The following MCTP2 variants were observed in gnomAD, a reference collection of about 807,000 sequenced individuals.
MCTP2 encodes multiple C2 and transmembrane domain-containing protein 2.
MCTP2 carries 132 observed loss-of-function variants against 111.6 expected under a neutral mutation model. That is an observed-to-expected ratio of 1.18 (90% confidence interval 1.03 to 1.37). The LOEUF (loss-of-function observed/expected upper bound fraction) is 1.37. Ranked by LOEUF, MCTP2 falls within the 40% of genes most tolerant of loss-of-function variation. The pLI, the probability that MCTP2 is intolerant of heterozygous loss-of-function variation, is 0.00. For synonymous variants in MCTP2, 395 were observed against 387.7 expected (o/e 1.02, Z -0.22); for missense variants, 1,183 against 1,067.9 (o/e 1.11, Z -1.50).
intron 1 of MCTP2, among the ~76,000 whole-genome samples, chr15:94,240,658 T>G (rs778740358): frequency 6.6e-6 from 1 of 152,152 alleles, no homozygotes; most frequent in Non-Finnish European, 1.5e-5. Flanking sequence ...TTGATAAATA[T>G]GTCATTTAAG....
intron 17 of MCTP2, among the ~76,000 whole-genome samples, chr15:94,423,684 T>G (rs768540667): frequency 1.3e-5 from 2 of 152,152 alleles, no homozygotes; most frequent in African/African-American, 4.8e-5. Context: ...TGCATGTGCG[T>G]GTAAGAGTTC....
chr15:94,468,184 A>C (rs2073569555), intron 20 of MCTP2, among the ~76,000 whole-genome samples: 1 of 152,362 alleles, frequency 6.6e-6, no homozygotes, highest in Non-Finnish European at 1.5e-5. Flanking sequence ...AAAGTTAAGC[A>C]AAACAGCTCA....
Position 94,356,160 on chromosome 15 carries a change from G to T in MCTP2, c.1029G>T (p.Arg343=). The T allele has an allele frequency of 6.2e-7, 1 of 1,609,930 alleles. No homozygotes were observed. Among genetic ancestry groups the T allele is most frequent in the Non-Finnish European group, 8.5e-7 (1 of 1,178,160 alleles). The part of the protein sequence containing the change: ...ASKSSLIRNL[R]LSESLKKNQL... ...AGTCCTCTTTGATACGCAACCTACG[G>T]CTCTCTGAGTCCTTGAAAAAGAACC... is the stretch of plus-strand genomic sequence containing the variant. The change falls in exon 9 of 23, where the codon CGG becomes CGT. Residue 343 remains arginine, a synonymous_variant. Transcript: ENST00000357742.
chr15:94,383,531 A>C (rs61185839), intron 12 of MCTP2, among the ~76,000 whole-genome samples: 2,577 of 152,322 alleles, frequency 0.017, 60 homozygotes, highest in African/African-American at 0.057. Context: ...TCACAGTTCC[A>C]CGTGGCTGGG....
chr15:94,412,176 G>A (rs898957131), intron 17 of MCTP2, among the ~76,000 whole-genome samples: 1 of 152,102 alleles, frequency 6.6e-6, no homozygotes, highest in Admixed American at 6.6e-5. Context: ...TTGAATAGAG[G>A]ATTCTCAGTC....
At chr15:94,282,310 A>G (rs2074528264) in intron 1 of MCTP2, among the ~76,000 whole-genome samples, 1 of 152,126 alleles carries the variant, frequency 6.6e-6, no homozygotes, top group African/African-American at 2.4e-5. Flanking sequence ...GAATTCTGAG[A>G]TTCTTTTCTC....
At chr15:94,378,464 A>G (rs1427659881) in intron 12 of MCTP2, among the ~76,000 whole-genome samples, 1 of 152,140 alleles carries the variant, frequency 6.6e-6, no homozygotes, top group Non-Finnish European at 1.5e-5. Context: ...TCAAAGTTAC[A>G]GTACCATGAG....
intron 8 of MCTP2, among the ~76,000 whole-genome samples, chr15:94,353,413 A>G (rs1482665109): frequency 6.6e-6 from 1 of 152,180 alleles, no homozygotes; most frequent in African/African-American, 2.4e-5. Flanking sequence ...CCATTTTCAC[A>G]GAGCTCATAG....
At chr15:94,477,721 G>A (rs555418288) in intron 22 of MCTP2, among the ~76,000 whole-genome samples, 8 of 152,296 alleles carry the variant, frequency 5.3e-5, no homozygotes, top group African/African-American at 1.9e-4. Flanking sequence ...AAAAGCCTTA[G>A]AGTTTCTTTC....
At position 94,406,470 on chromosome 15, in the gene MCTP2, G is replaced by GTAT. The variant is rs755303862; in HGVS notation, c.2085+4453_2085+4455dup. Among the ~76,000 whole-genome samples, 20 of 152,230 alleles carry GTAT rather than the reference G, an allele frequency of 1.3e-4. No individual in the cohort carries two copies. The East Asian group carries it at 2.5e-3, about 19-fold the overall frequency. ...CAACCATACTGATTGTTTCAGATCT[G>GTAT]TATTTAGATATTATGTGTGGGGATT... On this transcript the variant is annotated intron_variant, in intron 17 of 22. Transcript: ENST00000357742.
At chr15:94,411,560 A>G (rs2082152609) in intron 17 of MCTP2, among the ~76,000 whole-genome samples, 2 of 152,154 alleles carry the variant, frequency 1.3e-5, no homozygotes, top group South Asian at 4.1e-4. Context: ...TATGGAGAGA[A>G]GCCTTCTTTG....
chr15:94,437,978 CAG>C lies in MCTP2; in HGVS notation c.2086-2196_2086-2195del, dbSNP rs2083572183. ...AAAATTAAAAACAACAAAATTGAGA[CAG>C]AATAAAGATCATACACAGTCATCTT... On this transcript the variant is annotated intron_variant, in intron 17 of 22. Coordinates refer to ENST00000357742, the MANE Select transcript of MCTP2 (RefSeq NM_001385001.1). Among the ~76,000 whole-genome samples the C allele has an allele frequency of 2.0e-5, 3 of 151,678 alleles. No individual in the cohort carries two copies. In the South Asian group the frequency reaches 6.2e-4, roughly 32 times the overall value.
chr15:94,363,174 G>A (rs138338182), intron 10 of MCTP2, among the ~76,000 whole-genome samples: 7 of 152,214 alleles, frequency 4.6e-5, no homozygotes, highest in East Asian at 3.9e-4. Flanking sequence ...TCTTTTGTGC[G>A]TTCAGTGTAT....
rs192335237 is a variant in MCTP2, at chr15:94,303,974, G to C, written c.465+5244G>C. Reference sequence around the variant, plus strand: ...GAGGTAGAAAGGGGAAGACAAATTGGTCCTGGGCAAGGGCATCACTGAGTA... The same window carrying C: ...GAGGTAGAAAGGGGAAGACAAATTGCTCCTGGGCAAGGGCATCACTGAGTA... On this transcript the variant is annotated intron_variant, in intron 2 of 22. Coordinates refer to ENST00000357742, the MANE Select transcript of MCTP2 (RefSeq NM_001385001.1). 4.0e-4 allele frequency among the ~76,000 whole-genome samples: 61 copies of C among 152,280 alleles called. No homozygotes were observed. The East Asian group carries it at 0.01, about 25-fold the overall frequency.
At position 94,242,834 on chromosome 15, in the gene MCTP2, G is replaced by C. The variant is rs567082821; in HGVS notation, c.-66+11170G>C. 2.6e-5 allele frequency among the ~76,000 whole-genome samples: 4 copies of C among 151,012 alleles called. No individual in the cohort carries two copies. In the East Asian group the frequency reaches 7.9e-4, roughly 30 times the overall value. ...GTTTAGTGGTTTCTTGGTAGTTACC[G>C]TATGATTTGATGAAAGCCTGGCCAC... On this transcript the variant is annotated intron_variant, in intron 1 of 22. Transcript: ENST00000357742.
chr15:94,385,614 T>TG, intron 14 of MCTP2, 89 bp downstream of exon 14: 1 of 898,926 alleles, frequency 1.1e-6, no homozygotes, highest in Non-Finnish European at 1.8e-6. Context: ...TTTGTCAACC[T>TG]GGGGGAAAAA....
intron 16 of MCTP2, among the ~76,000 whole-genome samples, chr15:94,401,087 G>C (rs1405592195): frequency 6.6e-6 from 1 of 152,114 alleles, no homozygotes; most frequent in East Asian, 1.9e-4. Context: ...AACTGGGAGA[G>C]AGACATTTCC....
chr15:94,463,876 TTTGA>T, intron 20 of MCTP2, among the ~76,000 whole-genome samples: 1 of 152,152 alleles, frequency 6.6e-6, no homozygotes, highest in East Asian at 1.9e-4. Context: ...GGCGAATTAT[TTTGA>T]TTGGTTTTCA....
At chr15:94,465,135 G>A (rs2073155673) in intron 20 of MCTP2, among the ~76,000 whole-genome samples, 1 of 152,006 alleles carries the variant, frequency 6.6e-6, no homozygotes, top group African/African-American at 2.4e-5. Context: ...TATTTGGTTT[G>A]TAGATGTTAA....
Sources: gnomAD v4.1 joint callset for allele counts (sites outside exome capture counted in the v4.1 genomes callset) on GRCh38, gnomAD v4.1.1 for gene constraint, MANE v1.5 for transcripts, NCBI Gene and HGNC (gene_info 2026-07-23, HGNC 2026-07-21) for gene names.